Variants in LPA observed in about 807,000 individuals in gnomAD.
LPA encodes the protein lipoprotein(a).
Under a neutral mutation model 197.9 loss-of-function variants are expected in LPA, and 199 were observed. That is an observed-to-expected ratio of 1.01 (90% CI 0.90 to 1.13). LPA has a LOEUF of 1.13. LPA is among the 50% of genes most tolerant of loss of function. The pLI is 0.00. For synonymous variants in LPA, 715 were observed against 639.5 expected (o/e 1.12, Z -1.78); for missense variants, 1,853 against 1,785.8 (o/e 1.04, Z -0.68).
intron 27 of LPA, 118 bp downstream of exon 27, chr6:160,578,405 C>T (rs558288825): frequency 3.1e-6 from 4 of 1,290,154 alleles, no homozygotes; most frequent in East Asian, 2.3e-5. Context: ...CTGAGGCTTT[C>T]CTCCACATTG....
intron 24 of LPA, among the ~76,000 whole-genome samples, chr6:160,587,420 G>A (rs935135034): frequency 9.9e-5 from 15 of 152,068 alleles, no homozygotes; most frequent in African/African-American, 3.6e-4. Flanking sequence ...TATTTAAGCT[G>A]TGGTCTTAGA....
chr6:160,543,811 T>A (rs182398864), intron 33 of LPA, among the ~76,000 whole-genome samples: 1 of 152,330 alleles, frequency 6.6e-6, no homozygotes, highest in East Asian at 1.9e-4. Flanking sequence ...AATGAAATAG[T>A]TATTAAACTC....
At position 160,606,538 on chromosome 6, in the gene LPA, C is replaced by T; in HGVS notation, c.2724G>A (p.Gly908=). ...CNLTQCSDAE[G]TAVAPPTITP... ...TAATAGTTGGAGGCGCGACGGCAGT[C>T]CCTTCTGCGTCTGAGCATTGTGTCA... is the stretch of plus-strand genomic sequence containing the variant. The change falls in exon 17 of 39, where the codon GGG becomes GGA. Residue 908 remains glycine, a synonymous_variant. Transcript: ENST00000316300. 6.2e-7 allele frequency: 1 copy of T among 1,613,696 alleles called. No individual in the cohort carries two copies. The highest frequency in any genetic ancestry group is 8.5e-7 in the Non-Finnish European group (1 of 1,179,964).
At chr6:160,555,545 G>A (rs549725995) in intron 30 of LPA, among the ~76,000 whole-genome samples, 41 of 147,042 alleles carry the variant, frequency 2.8e-4, no homozygotes, top group African/African-American at 1.0e-3. Context: ...TAACTTATAT[G>A]AACATATATA....
chr6:160,597,020 TTCTGGGAGAATAAAGTGACACAC>T (rs969234468), intron 20 of LPA, among the ~76,000 whole-genome samples: 2 of 152,222 alleles, frequency 1.3e-5, no homozygotes, highest in Non-Finnish European at 2.9e-5. Flanking sequence ...TCTCACTTTA[TTCTGGGAGAATAAAGTGACACAC>T]TCTGTATGAC....
rs371978511 is a variant in LPA at position 160,547,805 on chromosome 6, G to C, written c.5288C>G (p.Ala1763Gly). Residue 1763 changes from alanine (A) to glycine (G), a missense_variant, in exon 32 of 39, where the codon GCA becomes GGA. By Grantham distance (60) the Ala-to-Gly change is moderately conservative. This residue lies in a region of LPA where 1,737 missense variants were observed against 1,504.4 expected (regional missense o/e 1.15). Coordinates refer to ENST00000316300, the MANE Select transcript of LPA (RefSeq NM_005577.4). Reference sequence around the variant, plus strand: ...GTGGCTTACATTTTTTTCCAGACCTGCCCATTTATTTGTCCCTGGAATGAA... The same window carrying C: ...GTGGCTTACATTTTTTTCCAGACCTCCCCATTTATTTGTCCCTGGAATGAA... Reference protein sequence around the residue: ...STFIPGTNKWAGLEKNYCRNP... With the variant: ...STFIPGTNKWGGLEKNYCRNP... 1.2e-6 allele frequency: 2 copies of C among 1,613,954 alleles called. No homozygotes were observed. The highest frequency in any genetic ancestry group is 2.2e-5 in the South Asian group (2 of 91,064).
intron 16 of LPA, among the ~76,000 whole-genome samples, chr6:160,610,603 C>T (rs1779477434): frequency 6.6e-6 from 1 of 152,110 alleles, no homozygotes; most frequent in South Asian, 2.1e-4. Flanking sequence ...TCATGTGAGG[C>T]CAACTACTGG....
At chr6:160,563,125 C>T (rs1778390564) in intron 28 of LPA, among the ~76,000 whole-genome samples, 1 of 152,138 alleles carries the variant, frequency 6.6e-6, no homozygotes, top group Non-Finnish European at 1.5e-5. Flanking sequence ...TATTTGTTTG[C>T]TCTTGCTTCT....
In LPA at chr6:160,604,793, T is replaced by C. The variant is rs552084191; in HGVS notation, c.2945+253A>G. 1.1e-4 allele frequency among the ~76,000 whole-genome samples: 16 copies of C among 152,346 alleles called. No individual in the cohort carries two copies. In the South Asian group the frequency reaches 3.1e-3, roughly 30 times the overall value. On this transcript the variant is annotated intron_variant, in intron 18 of 38. Coordinates refer to ENST00000316300, the MANE Select transcript of LPA (RefSeq NM_005577.4). ...TCTAAGAGTTTCATCATTTGTCATC[T>C]TGACTTGTTTCTTAATGTGATATCC...
chr6:160,582,486 A>G (rs941195914), intron 26 of LPA, among the ~76,000 whole-genome samples: 4 of 150,878 alleles, frequency 2.7e-5, no homozygotes, highest in African/African-American at 9.7e-5. Flanking sequence ...TTTTCTTCTT[A>G]CCACTCTAAA....
chr6:160,657,547 C>T (rs1470758420), intron 1 of LPA, among the ~76,000 whole-genome samples: 1 of 152,028 alleles, frequency 6.6e-6, no homozygotes, highest in African/African-American at 2.4e-5. Context: ...TACAGTTACG[C>T]ATCACCATGC....
intron 1 of LPA, among the ~76,000 whole-genome samples, chr6:160,655,407 C>T (rs1780115348): frequency 6.6e-6 from 1 of 152,348 alleles, no homozygotes; most frequent in South Asian, 2.1e-4. Context: ...GCCCAAATGG[C>T]AGAGCAGCTT....
At chr6:160,600,775 C>A in intron 19 of LPA, 142 bp downstream of exon 19, 3 of 936,848 alleles carry the variant, frequency 3.2e-6, no homozygotes, top group South Asian at 2.8e-5. Context: ...CCAGAGAGTG[C>A]GCTAAGGCTT....
intron 2 of LPA, among the ~76,000 whole-genome samples, chr6:160,647,245 A>C (rs1201104971): frequency 6.6e-6 from 1 of 152,206 alleles, no homozygotes; most frequent in East Asian, 1.9e-4. Flanking sequence ...GAGGTCGGAC[A>C]GCTATGGAGG....
intron 16 of LPA, among the ~76,000 whole-genome samples, chr6:160,608,187 A>C (rs1779401729): frequency 1.3e-5 from 2 of 152,162 alleles, no homozygotes; most frequent in Admixed American, 1.3e-4. Context: ...GGGCTGCAGA[A>C]AGTTCCCTTC....
At chr6:160,599,719 G>T (rs1480044144) in intron 19 of LPA, 60 bp from the exon 20 acceptor site, 4 of 1,593,570 alleles carry the variant, frequency 2.5e-6, no homozygotes, top group Non-Finnish European at 3.4e-6. Context: ...AATACAGGAA[G>T]CCATTTATGA....
chr6:160,607,326 G>A (rs1779377116), intron 16 of LPA, among the ~76,000 whole-genome samples: 1 of 152,092 alleles, frequency 6.6e-6, no homozygotes, highest in Non-Finnish European at 1.5e-5. Context: ...CTTGCTCCCA[G>A]GCAGAATGCA....
intron 28 of LPA, among the ~76,000 whole-genome samples, chr6:160,576,741 T>A (rs1778691632): frequency 1.4e-5 from 2 of 147,192 alleles, no homozygotes; most frequent in South Asian, 2.1e-4. Flanking sequence ...TTTTTTTTTT[T>A]ACTTATTACC....
chr6:160,569,783 C>A (rs1322707247), intron 28 of LPA, among the ~76,000 whole-genome samples: 2 of 151,958 alleles, frequency 1.3e-5, no homozygotes, highest in Non-Finnish European at 2.9e-5. Context: ...AACAAATTTA[C>A]AAGAAAAAAA....
Sources: gnomAD v4.1 joint callset for allele counts (sites outside exome capture counted in the v4.1 genomes callset) on GRCh38, gnomAD v4.1.1 for gene constraint, gnomAD v4.1.1 regional missense constraint, MANE v1.5 for transcripts, NCBI Gene and HGNC (gene_info 2026-07-23, HGNC 2026-07-21) for gene names.